The following NUBPL variants were observed in gnomAD, a reference collection of about 807,000 sequenced individuals.
The protein encoded by NUBPL is iron-sulfur cluster transfer protein NUBPL.
NUBPL carries 31 observed loss-of-function variants against 45.7 expected under a neutral mutation model. That is an observed-to-expected ratio of 0.68 (90% CI 0.51 to 0.92). The LOEUF is 0.92. Among genes scored for constraint, NUBPL ranks in the 40% least tolerant of loss-of-function variants. The pLI is 0.00. For missense variants in NUBPL, 401 were observed against 398.7 expected (o/e 1.01, Z -0.05); for synonymous variants, 144 against 140.9 (o/e 1.02, Z -0.15).
intron 4 of NUBPL, among the ~76,000 whole-genome samples, chr14:31,644,946 C>T (rs1237044914): frequency 6.6e-6 from 1 of 152,016 alleles, no homozygotes; most frequent in Non-Finnish European, 1.5e-5. Flanking sequence ...GTCATCTTAC[C>T]TGATACAAAT....
chr14:31,729,701 AGTTGGTG>A lies in NUBPL; in HGVS notation c.513+56128_513+56134del, dbSNP rs879884229. On this transcript the variant is annotated intron_variant, in intron 6 of 10. Coordinates refer to ENST00000281081, the MANE Select transcript of NUBPL (RefSeq NM_025152.3). ...AACACTGTTATTTATTCTAATATTA[AGTTGGTG>A]TAAAAGTAATTGAAGTTTTTGCCAT... Among the ~76,000 whole-genome samples, 102 of 152,308 alleles carry A rather than the reference AGTTGGTG, an allele frequency of 6.7e-4. 1 individual carries two copies. The highest frequency in any genetic ancestry group is 2.1e-3 in the African/African-American group (89 of 41,574).
At chr14:31,630,090 A>G (rs1157131610) in intron 4 of NUBPL, among the ~76,000 whole-genome samples, 1 of 152,236 alleles carries the variant, frequency 6.6e-6, no homozygotes, top group Admixed American at 6.5e-5. Flanking sequence ...ATGAACAGCA[A>G]CAGAGAATGA....
At position 31,816,844 on chromosome 14, in the gene NUBPL, G is replaced by A. The variant is rs1206609031; in HGVS notation, c.608-9785G>A. Among the ~76,000 whole-genome samples the A allele has an allele frequency of 2.6e-5, 4 of 152,080 alleles. No individual in the cohort carries two copies. The East Asian group carries it at 5.8e-4, about 22-fold the overall frequency. On this transcript the variant is annotated intron_variant, in intron 7 of 10. Coordinates refer to ENST00000281081, the MANE Select transcript of NUBPL (RefSeq NM_025152.3). ...TTTCCATGTAGTTGTGTGGTTTTGAGTGAATTTCTTAATCCTGAGTTCTAA... is the reference window on the plus strand; with the variant it reads ...TTTCCATGTAGTTGTGTGGTTTTGAATGAATTTCTTAATCCTGAGTTCTAA...
intron 3 of NUBPL, among the ~76,000 whole-genome samples, chr14:31,590,687 T>G (rs2034119053): frequency 6.6e-6 from 1 of 152,170 alleles, no homozygotes. Flanking sequence ...TTTAGTTAGG[T>G]TTCTAGGTCC....
chr14:31,650,962 A>G (rs1237544127), intron 4 of NUBPL, among the ~76,000 whole-genome samples: 1 of 152,158 alleles, frequency 6.6e-6, no homozygotes, highest in Non-Finnish European at 1.5e-5. Context: ...ACTAATAGAG[A>G]TAGAGCTTAC....
At chr14:31,769,779 G>A (rs1008218678) in intron 6 of NUBPL, among the ~76,000 whole-genome samples, 3 of 151,572 alleles carry the variant, frequency 2.0e-5, no homozygotes, top group Non-Finnish European at 4.4e-5. Flanking sequence ...CATAGTCATG[G>A]TATTTTTTTT....
intron 4 of NUBPL, among the ~76,000 whole-genome samples, chr14:31,643,139 G>A (rs535495286): frequency 2.0e-5 from 3 of 152,080 alleles, no homozygotes; most frequent in South Asian, 4.1e-4. Flanking sequence ...ATTTGTATAT[G>A]CTTTATCTCT....
intron 6 of NUBPL, among the ~76,000 whole-genome samples, chr14:31,697,557 A>C (rs962702238): frequency 1.8e-4 from 27 of 152,238 alleles, no homozygotes; most frequent in Admixed American, 5.9e-4. Context: ...CTGCAATGCC[A>C]AGGTGACAAA....
intron 4 of NUBPL, among the ~76,000 whole-genome samples, chr14:31,671,640 G>A (rs914012180): frequency 6.6e-6 from 1 of 152,190 alleles, no homozygotes; most frequent in African/African-American, 2.4e-5. Context: ...GGAAAGAATT[G>A]AGAAAATCAC....
At chr14:31,640,907 C>G (rs938932565) in intron 4 of NUBPL, among the ~76,000 whole-genome samples, 11 of 151,752 alleles carry the variant, frequency 7.2e-5, no homozygotes, top group Non-Finnish European at 1.3e-4. Context: ...CTGTAGTCAC[C>G]CTACTGATCT....
intron 6 of NUBPL, among the ~76,000 whole-genome samples, chr14:31,757,125 G>T (rs1382924850): frequency 1.3e-5 from 2 of 149,506 alleles, no homozygotes; most frequent in African/African-American, 4.9e-5. Flanking sequence ...GAGGATTTTT[G>T]CATCAATGTT....
chr14:31,815,614 AT>A (rs1253141463), intron 7 of NUBPL, among the ~76,000 whole-genome samples: 1 of 151,944 alleles, frequency 6.6e-6, no homozygotes, highest in Non-Finnish European at 1.5e-5. Context: ...GTCTTGTGTC[AT>A]TTTTCGAAGG....
chr14:31,715,281 C>A (rs759959047), intron 6 of NUBPL, among the ~76,000 whole-genome samples: 35 of 152,196 alleles, frequency 2.3e-4, no homozygotes, highest in Admixed American at 6.5e-4. Context: ...TCTTAAATAT[C>A]AGTCCTTAAC....
intron 4 of NUBPL, among the ~76,000 whole-genome samples, chr14:31,630,241 G>A (rs1182896772): frequency 6.6e-6 from 1 of 152,168 alleles, no homozygotes; most frequent in African/African-American, 2.4e-5. Flanking sequence ...AATCCTGATT[G>A]TAACCTGTAC....
At chr14:31,774,037 C>CT (rs2039056433) in intron 6 of NUBPL, among the ~76,000 whole-genome samples, 1 of 152,170 alleles carries the variant, frequency 6.6e-6, no homozygotes, top group Non-Finnish European at 1.5e-5. Context: ...CATGATTTCT[C>CT]TATTTGTTCT....
At chr14:31,619,107 C>T (rs2034990148) in intron 4 of NUBPL, among the ~76,000 whole-genome samples, 1 of 152,100 alleles carries the variant, frequency 6.6e-6, no homozygotes, top group Non-Finnish European at 1.5e-5. Flanking sequence ...GATCGCAACC[C>T]ATGCTATTTT....
chr14:31,820,029 A>T (rs1388773779), intron 7 of NUBPL, among the ~76,000 whole-genome samples: 5 of 151,332 alleles, frequency 3.3e-5, no homozygotes, highest in African/African-American at 1.2e-4. Context: ...AGTCCCAGCT[A>T]CTCAGGAGGC....
chr14:31,636,239 G>A (rs2035494010), intron 4 of NUBPL, among the ~76,000 whole-genome samples: 1 of 151,824 alleles, frequency 6.6e-6, no homozygotes, highest in Non-Finnish European at 1.5e-5. Context: ...GTCATAGATA[G>A]CTCTTATTAT....
intron 6 of NUBPL, among the ~76,000 whole-genome samples, chr14:31,732,699 T>C (rs7159169): frequency 1 from 148,895 of 149,550 alleles, 74,125 homozygotes; most frequent in Middle Eastern, 1. Context: ...GCAACCTCCA[T>C]CTCCCGGGTT....
Sources: allele counts gnomAD v4.1 joint callset (sites outside exome capture counted in the v4.1 genomes callset), GRCh38; gene constraint gnomAD v4.1.1; transcripts MANE v1.5; gene names NCBI Gene and HGNC (gene_info 2026-07-23, HGNC 2026-07-21).